Variants in ZHX3 observed in about 807,000 individuals in gnomAD.
The protein encoded by ZHX3 is zinc fingers and homeoboxes 3.
In ZHX3, 20 loss-of-function variants were observed where a neutral mutation model predicts 64.5. The ratio of observed to expected loss-of-function variants is 0.31; its 90% CI spans 0.22 to 0.45. The LOEUF (loss-of-function observed/expected upper bound fraction) is 0.45. Ranked by LOEUF, ZHX3 falls within the 20% of genes least tolerant of loss-of-function variation. The pLI, the probability that ZHX3 is intolerant of heterozygous loss-of-function variation, is 1.00. For synonymous variants in ZHX3, 423 were observed against 461.6 expected (o/e 0.92, Z 1.07); for missense variants, 1,041 against 1,195.8 (o/e 0.87, Z 1.91).
intron 1 of ZHX3, among the ~76,000 whole-genome samples, chr20:41,290,960 C>G (rs774221692): frequency 6.6e-6 from 1 of 152,182 alleles, no homozygotes; most frequent in Non-Finnish European, 1.5e-5. Flanking sequence ...CAATAATTTG[C>G]TTCCTCCCTG....
intron 2 of ZHX3, among the ~76,000 whole-genome samples, chr20:41,231,961 T>C (rs1272119216): frequency 1.3e-5 from 2 of 152,212 alleles, no homozygotes; most frequent in Non-Finnish European, 2.9e-5. Context: ...GGCCTGGAGA[T>C]GTGGAAACTA....
At chr20:41,237,784 A>G (rs1226871773) in intron 2 of ZHX3, among the ~76,000 whole-genome samples, 1 of 152,258 alleles carries the variant, frequency 6.6e-6, no homozygotes, top group South Asian at 2.1e-4. Context: ...AAAATAAAGA[A>G]AATATGTTTT....
In ZHX3 at chr20:41,201,888, C is replaced by T. The variant is rs1430893918; in HGVS notation, c.2860+169G>A. Among the ~76,000 whole-genome samples, 1 of 152,212 alleles carries T rather than the reference C, an allele frequency of 6.6e-6. No homozygotes were observed. On this transcript the variant is annotated intron_variant, in intron 3 of 3. Coordinates refer to ENST00000683867, the MANE Select transcript of ZHX3 (RefSeq NM_001384317.1). This position sits in a 1 kb window ranked among gnomAD's most constrained non-coding sequence, Gnocchi z 5.0. ...TCTCAACCGTTTATCATATTATATT[C>T]CTATGGCTTCTGCTGCTAGTTGTCC...
At chr20:41,198,818 ATGAG>A (rs1053391034) in intron 3 of ZHX3, among the ~76,000 whole-genome samples, 2 of 152,074 alleles carry the variant, frequency 1.3e-5, no homozygotes, top group South Asian at 2.1e-4. Flanking sequence ...ATATGAGTAT[ATGAG>A]TATGAATATA....
At position 41,202,339 on chromosome 20, in the gene ZHX3, G is replaced by T; in HGVS notation, c.2578C>A (p.Leu860Met). 1.2e-6 allele frequency: 2 copies of T among 1,614,184 alleles called. No homozygotes were observed. Among genetic ancestry groups the T allele is most frequent in the Non-Finnish European group, 1.7e-6 (2 of 1,180,032 alleles). ...LQDYYMTHKM[L>M]YEEDLQNLCD... Reference sequence around the variant, plus strand: ...AGGTTCTGCAGGTCCTCTTCATACAGCATCTTGTGTGTCATGTAATAGTCC... The same window carrying T: ...AGGTTCTGCAGGTCCTCTTCATACATCATCTTGTGTGTCATGTAATAGTCC... The change falls in exon 3 of 4, where the codon CTG becomes ATG. Residue 860 changes from leucine to methionine, a missense_variant. By Grantham distance (15) the Leu-to-Met change is conservative (BLOSUM62 2). Transcript: ENST00000683867. The surrounding 1 kb of genome is among the most constrained non-coding windows in gnomAD (Gnocchi z 7.0).
At chr20:41,218,921 CTGT>C (rs2039739070) in intron 2 of ZHX3, among the ~76,000 whole-genome samples, 2 of 137,968 alleles carry the variant, frequency 1.4e-5, no homozygotes, top group African/African-American at 2.7e-5. Flanking sequence ...TCAAACAGTG[CTGT>C]TTTTTTTTTT....
chr20:41,180,770 C>G lies in ZHX3; in HGVS notation c.*4421G>C, dbSNP rs2036221965. The G allele has an allele frequency of 6.6e-6, 1 of 152,254 alleles. No individual in the cohort carries two copies. The highest frequency in any genetic ancestry group is 1.5e-5 in the Non-Finnish European group (1 of 68,072). 9.4% of individuals were successfully genotyped at this position (152,254 alleles called of 1,614,324 possible). A position where few individuals can be genotyped will look rare whatever the true frequency, so the allele number is the denominator to read the frequency against. On this transcript the variant is annotated 3_prime_UTR_variant, in exon 4 of 4. Coordinates refer to ENST00000683867, the MANE Select transcript of ZHX3 (RefSeq NM_001384317.1). The stretch of plus-strand genomic sequence containing the variant: ...GAAACCTGTTGGTTCCATTTGCACT[C>G]AGAGCAAACCAAGCAGCACCTTGAT...
intron 1 of ZHX3, among the ~76,000 whole-genome samples, chr20:41,294,953 T>C (rs2044432469): frequency 6.6e-6 from 1 of 152,134 alleles, no homozygotes; most frequent in Non-Finnish European, 1.5e-5. Context: ...CGCCTCGGCC[T>C]CCCAAAGCGC....
intron 2 of ZHX3, among the ~76,000 whole-genome samples, chr20:41,246,893 CA>C (rs1215181332): frequency 6.7e-6 from 1 of 148,366 alleles, no homozygotes; most frequent in African/African-American, 2.5e-5. Flanking sequence ...ACCAAACAAA[CA>C]AACAAACAAA....
intron 3 of ZHX3, among the ~76,000 whole-genome samples, chr20:41,186,618 AAGG>A (rs1348547775): frequency 1.3e-5 from 2 of 152,214 alleles, no homozygotes; most frequent in Non-Finnish European, 1.5e-5. Flanking sequence ...AGCAATGCAC[AAGG>A]GATCCAGTTT....
At position 41,204,553 on chromosome 20, in the gene ZHX3, C is replaced by G. The variant is rs747580244; in HGVS notation, c.364G>C (p.Glu122Gln). ...SGCSFLAKTP[E>Q]GLSLHNATCH... is the part of the protein sequence containing the mutation. ...GTGGCATTGTGCAAGGAAAGCCCCT[C>G]AGGGGTTTTTGCCAGAAAACTGCAC... Residue 122 changes from glutamate (E) to glutamine (Q), a missense_variant, in exon 3 of 4, where the codon GAG becomes CAG. Coordinates refer to ENST00000683867, the MANE Select transcript of ZHX3 (RefSeq NM_001384317.1). The surrounding 1 kb of genome is among the most constrained non-coding windows in gnomAD (Gnocchi z 6.6). The G allele has an allele frequency of 7.5e-5, 121 of 1,614,088 alleles. 1 individual carries two copies. Among genetic ancestry groups the G allele is most frequent in the Non-Finnish European group, 5.9e-6 (7 of 1,180,054 alleles).
chr20:41,270,663 G>A (rs1057153285), intron 1 of ZHX3, among the ~76,000 whole-genome samples: 1 of 144,112 alleles, frequency 6.9e-6, no homozygotes, highest in Non-Finnish European at 1.5e-5. Flanking sequence ...TTGACAGAGT[G>A]AGACTCCGTC....
chr20:41,274,699 A>G (rs1268758705), intron 1 of ZHX3, among the ~76,000 whole-genome samples: 17 of 152,228 alleles, frequency 1.1e-4, no homozygotes, highest in Admixed American at 1.1e-3. Context: ...ATACTGGTTC[A>G]TTTGAAACCA....
At chr20:41,225,937 CT>C (rs1186141367) in intron 2 of ZHX3, among the ~76,000 whole-genome samples, 1 of 152,236 alleles carries the variant, frequency 6.6e-6, no homozygotes, top group Non-Finnish European at 1.5e-5. Context: ...CCCCCAGCCC[CT>C]GGCAACTACC....
chr20:41,217,818 C>A (rs569253739), intron 2 of ZHX3, among the ~76,000 whole-genome samples: 3 of 152,284 alleles, frequency 2.0e-5, no homozygotes, highest in South Asian at 2.1e-4. Context: ...CAGTCACACA[C>A]GACATATTTT....
intron 2 of ZHX3, among the ~76,000 whole-genome samples, chr20:41,239,170 T>A (rs2041217212): frequency 7.7e-6 from 1 of 129,110 alleles, no homozygotes; most frequent in Non-Finnish European, 1.5e-5. Context: ...GCCCCGCTAA[T>A]TTTTTTTTTT....
intron 2 of ZHX3, among the ~76,000 whole-genome samples, chr20:41,247,364 T>C (rs1273734040): frequency 6.6e-6 from 1 of 152,172 alleles, no homozygotes; most frequent in Non-Finnish European, 1.5e-5. Context: ...TGAACCTGGG[T>C]TCTAATCTGG....
At chr20:41,290,558 C>G (rs2044184070) in intron 1 of ZHX3, 1 of 152,268 alleles carries the variant, frequency 6.6e-6, no homozygotes, top group South Asian at 2.1e-4. Context: ...GGACAATAGG[C>G]ACATGTTACT....
At chr20:41,301,841 T>C (rs1388436240) in intron 1 of ZHX3, among the ~76,000 whole-genome samples, 1 of 150,994 alleles carries the variant, frequency 6.6e-6, no homozygotes, top group Non-Finnish European at 1.5e-5. Flanking sequence ...GATCACGAGG[T>C]CAGGAGATCG....
Sources: allele counts gnomAD v4.1 joint callset (sites outside exome capture counted in the v4.1 genomes callset), GRCh38; gene constraint gnomAD v4.1.1; non-coding constraint Gnocchi (gnomAD v3.1); transcripts MANE v1.5; gene names NCBI Gene and HGNC (gene_info 2026-07-23, HGNC 2026-07-21).